The following MINK1 variants were observed in gnomAD, a reference collection of about 807,000 sequenced individuals.
MINK1 encodes the protein misshapen-like kinase 1.
Under a neutral mutation model 178.4 loss-of-function variants are expected in MINK1, and 46 were observed. That is an observed-to-expected ratio of 0.26 (90% CI 0.20 to 0.33). MINK1 has a LOEUF of 0.33. Among genes scored for constraint, MINK1 ranks in the 10% least tolerant of loss-of-function variants. The pLI, the probability that MINK1 is intolerant of heterozygous loss-of-function variation, is 1.00. For synonymous variants in MINK1, 797 were observed against 709.7 expected (o/e 1.12, Z -1.96); for missense variants, 1,366 against 1,814.9 (o/e 0.75, Z 4.49).
chr17:4,868,900 C>G (rs1915436445), intron 1 of MINK1: 2 of 258,766 alleles, frequency 7.7e-6, no homozygotes, highest in South Asian at 6.1e-5. Flanking sequence ...CAGGTGCACA[C>G]TGCCACACCT....
chr17:4,875,192 G>C (rs8078776), intron 1 of MINK1: 2 of 519,440 alleles, frequency 3.9e-6, no homozygotes, highest in African/African-American at 3.9e-5. Flanking sequence ...AACTGAAGAC[G>C]GATGAGATGA....
intron 1 of MINK1, among the ~76,000 whole-genome samples, chr17:4,868,488 A>T: frequency 6.6e-6 from 1 of 152,168 alleles, no homozygotes; most frequent in African/African-American, 2.4e-5. Flanking sequence ...TCTAGTCTCC[A>T]TATATGAGAG....
In MINK1 at chr17:4,896,240, AGAG is replaced by A; in HGVS notation, c.3518_3520del (p.Glu1173del). 6.2e-7 allele frequency: 1 copy of A among 1,606,062 alleles called. No homozygotes were observed. Among genetic ancestry groups the A allele is most frequent in the Non-Finnish European group, 8.5e-7 (1 of 1,175,824 alleles). On this transcript the variant is annotated inframe_deletion, in exon 29 of 32. Coordinates refer to ENST00000355280, the MANE Select transcript of MINK1 (RefSeq NM_153827.5). The surrounding 1 kb of genome is among the most constrained non-coding windows in gnomAD (Gnocchi z 4.6). ...GCCCTCTGCTGGTCGACCTGACAGT[AGAG>A]GAGGGGCAGCGGCTCAAGGTCATCT...
intron 4 of MINK1, among the ~76,000 whole-genome samples, chr17:4,883,880 A>G (rs756756609): frequency 4.6e-5 from 7 of 151,660 alleles, no homozygotes; most frequent in Non-Finnish European, 7.4e-5. Flanking sequence ...TGGAATCCCA[A>G]TGAGAATCTG....
At chr17:4,878,278 A>G (rs1343719690) in intron 1 of MINK1, 39 bp from the exon 2 acceptor site, 2 of 1,521,174 alleles carry the variant, frequency 1.3e-6, no homozygotes, top group Non-Finnish European at 8.8e-7. Context: ...ATCCTTTTCT[A>G]AAGTCTTGAC....
In MINK1 at chr17:4,895,992, C is replaced by CT. The variant is rs1352714689; in HGVS notation, c.3365-11_3365-10insT. ...GGAAGTCTCAGCATCCCTCTTCTCT[C>CT]CCGCCCCCAGTGAAATACGAGCGGA... On this transcript the variant is annotated splice_polypyrimidine_tract_variant and intron_variant, in intron 27 of 31. Transcript: ENST00000355280. The surrounding 1 kb of genome is among the most constrained non-coding windows in gnomAD (Gnocchi z 4.3). The CT allele has an allele frequency of 3.2e-6, 5 of 1,585,144 alleles. No homozygotes were observed. Among genetic ancestry groups the CT allele is most frequent in the Middle Eastern group, 1.7e-4 (1 of 6,054 alleles).
At chr17:4,880,042 CG>C (rs1419722938) in intron 2 of MINK1, among the ~76,000 whole-genome samples, 3 of 152,146 alleles carry the variant, frequency 2.0e-5, no homozygotes, top group African/African-American at 7.2e-5. Context: ...GTATCTTTCA[CG>C]CCCTGCTCTA....
intron 1 of MINK1, among the ~76,000 whole-genome samples, chr17:4,850,068 C>T (rs1425417030): frequency 6.6e-6 from 1 of 152,152 alleles, no homozygotes; most frequent in Admixed American, 6.5e-5. Context: ...ATTTTTTCAT[C>T]AGAGTCTTTC....
intron 1 of MINK1, chr17:4,859,389 T>C: frequency 3.6e-6 from 3 of 841,594 alleles, no homozygotes; most frequent in Non-Finnish European, 4.3e-6. Flanking sequence ...ATCTTACTCT[T>C]TATATTTTAG....
In MINK1 at chr17:4,893,590, G is replaced by A. The variant is rs1181840754; in HGVS notation, c.2557G>A (p.Gly853Arg). ...GPAEGSRDTP[G>R]GRSDGDTDSV... ...AGCAGAGGGGAGCAGAGATACCCCT[G>A]GGGGCCGGTACGGCATCGGGAGTGG... is the stretch of plus-strand genomic sequence containing the variant. Residue 853 changes from glycine to arginine, a missense_variant, in exon 21 of 32, where the codon GGG (glycine) becomes AGG (arginine). Around this residue, in one of 14 missense-constraint regions of MINK1, gnomAD observed 709 missense variants for 692.3 expected, o/e 1.02. Coordinates refer to ENST00000355280, the MANE Select transcript of MINK1 (RefSeq NM_153827.5). 6.5e-7 allele frequency: 1 copy of A among 1,540,520 alleles called. No individual in the cohort carries two copies. Among genetic ancestry groups the A allele is most frequent in the Non-Finnish European group, 8.8e-7 (1 of 1,140,276 alleles).
Position 4,886,690 on chromosome 17 carries a change from G to C in MINK1, c.949+64G>C, listed in dbSNP as rs764609688. On this transcript the variant is annotated intron_variant, in intron 10 of 31. Transcript: ENST00000355280. This position sits in a 1 kb window ranked among gnomAD's most constrained non-coding sequence, Gnocchi z 6.1. ...ACTCCAGCCTGGCTCCTCTCTGCCA[G>C]CCCTGCTCGCTCCTGGCACCCCTTC... 8.2e-6 allele frequency: 12 copies of C among 1,455,774 alleles called. No individual in the cohort carries two copies. The highest frequency in any genetic ancestry group is 1.4e-5 in the African/African-American group (1 of 70,150). The allele number at this position is 1,455,774 out of a possible 1,614,324, so 90.2% of individuals were successfully genotyped here. A position where few individuals can be genotyped will look rare whatever the true frequency, so the allele number is the denominator to read the frequency against.
At chr17:4,891,185 TACACACACACGCGCGCACAC>T (rs1968755817) in intron 15 of MINK1, 61 bp downstream of exon 15, 6 of 1,208,210 alleles carry the variant, frequency 5.0e-6, no homozygotes, top group South Asian at 1.7e-5. Context: ...AGAGCACAGG[TACACACACACGCGCGCACAC>T]ACACACACAC....
intron 1 of MINK1, among the ~76,000 whole-genome samples, chr17:4,869,492 G>T (rs1228779826): frequency 1.3e-5 from 2 of 149,964 alleles, no homozygotes; most frequent in East Asian, 4.0e-4. Flanking sequence ...GCTCAGGATG[G>T]TCTCTAACTC....
At position 4,887,244 on chromosome 17, in the gene MINK1, C is replaced by G. The variant is rs576467703; in HGVS notation, c.1019+65C>G. 5.5e-5 allele frequency: 83 copies of G among 1,496,404 alleles called. No individual in the cohort carries two copies. In the South Asian group the frequency reaches 9.7e-4, roughly 18 times the overall value. 92.7% of individuals were successfully genotyped at this position (1,496,404 alleles called of 1,614,324 possible). The stretch of plus-strand genomic sequence containing the variant: ...GCTGAGTGGGGGGACTACAGTGGTG[C>G]TTGGCTTTGGGGACTCTCAGCCTGG... On this transcript the variant is annotated intron_variant, in intron 11 of 31. Coordinates refer to ENST00000355280, the MANE Select transcript of MINK1 (RefSeq NM_153827.5). This position sits in a 1 kb window ranked among gnomAD's most constrained non-coding sequence, Gnocchi z 7.6.
Position 4,894,647 on chromosome 17 carries a change from G to A in MINK1, c.2917+14G>A, listed in dbSNP as rs758988344. The stretch of plus-strand genomic sequence containing the variant: ...TCCCCATCACAGGTGAGGACAGGAG[G>A]ACAGACCTGCTGTGAGGCCAGGGTC... On this transcript the variant is annotated intron_variant, in intron 24 of 31. Transcript: ENST00000355280. The surrounding 1 kb of genome is among the most constrained non-coding windows in gnomAD (Gnocchi z 4.1). The A allele has an allele frequency of 1.9e-6, 3 of 1,579,190 alleles. No individual in the cohort carries two copies. The African/African-American group carries it at 4.0e-5, about 21-fold the overall frequency.
chr17:4,891,206 ACACAC>A, intron 15 of MINK1, 82 bp downstream of exon 15: 2 of 466,938 alleles, frequency 4.3e-6, no homozygotes, highest in Non-Finnish European at 7.3e-6. Flanking sequence ...GCGCGCACAC[ACACAC>A]ACACACACAC....
chr17:4,872,996 C>T (rs185259805), intron 1 of MINK1, among the ~76,000 whole-genome samples: 17 of 152,284 alleles, frequency 1.1e-4, no homozygotes, highest in African/African-American at 3.4e-4. Context: ...GCTGTCTGCC[C>T]TCTGCTCACA....
chr17:4,833,517 G>A lies in MINK1; in HGVS notation c.-67G>A. The A allele has an allele frequency of 7.4e-7, 1 of 1,349,320 alleles. No homozygotes were observed. The highest frequency in any genetic ancestry group is 1.0e-6 in the Non-Finnish European group (1 of 1,001,922). 83.6% of individuals were successfully genotyped at this position (1,349,320 alleles called of 1,614,324 possible). A position where few individuals can be genotyped will look rare whatever the true frequency, so the allele number is the denominator to read the frequency against. ...GGTTCTCCGATGGGGGAGAAGCGGC[G>A]ACGGCGGCAGTGGAGTAACCGAGCC... On this transcript the variant is annotated 5_prime_UTR_variant, in exon 1 of 32. Transcript: ENST00000355280. This position sits in a 1 kb window ranked among gnomAD's most constrained non-coding sequence, Gnocchi z 4.8.
chr17:4,883,754 G>A (rs1457555708), intron 4 of MINK1, among the ~76,000 whole-genome samples: 1 of 148,136 alleles, frequency 6.8e-6, no homozygotes, highest in African/African-American at 2.5e-5. Flanking sequence ...TATCCAGGAT[G>A]GTCTTGAACT....
Sources: gnomAD v4.1 joint callset for allele counts (sites outside exome capture counted in the v4.1 genomes callset) on GRCh38, gnomAD v4.1.1 for gene constraint, gnomAD v4.1.1 regional missense constraint, Gnocchi (gnomAD v3.1) non-coding constraint, MANE v1.5 for transcripts, NCBI Gene and HGNC (gene_info 2026-07-23, HGNC 2026-07-21) for gene names.